Variants in CHN2 observed in about 807,000 individuals in gnomAD.
CHN2 encodes chimerin 2.
CHN2 carries 35 observed loss-of-function variants against 56.3 expected under a neutral mutation model. The observed-to-expected ratio is 0.62, with a 90% CI of 0.47 to 0.82. The LOEUF is 0.82. Ranked by LOEUF, CHN2 falls within the 40% of genes least tolerant of loss-of-function variation. CHN2 has a pLI of 0.00. For missense variants in CHN2, 491 were observed against 580.5 expected (o/e 0.85, Z 1.58); for synonymous variants, 210 against 212.8 (o/e 0.99, Z 0.12).
At chr7:29,193,059 T>A (rs1272171157), upstream of CHN2, 2 of 152,134 alleles carry the variant, frequency 1.3e-5, no homozygotes, top group African/African-American at 4.8e-5. Context: ...TGAAGGATAG[T>A]GGTAGGGGCT....
chr7:29,442,858 C>G (rs1783745235), intron 6 of CHN2, among the ~76,000 whole-genome samples: 1 of 151,684 alleles, frequency 6.6e-6, no homozygotes, highest in Admixed American at 6.6e-5. Flanking sequence ...TGAATGCTGC[C>G]TAGGTTTTTC....
intron 1 of CHN2, chr7:29,292,932 T>A (rs530493105): frequency 1.1e-5 from 5 of 456,304 alleles, no homozygotes; most frequent in African/African-American, 8.0e-5. Flanking sequence ...CAGTCTATTC[T>A]GAACCCAGAA....
At chr7:29,163,492 A>G (rs1413607505) in intron 2 of CHN2, among the ~76,000 whole-genome samples, 1 of 152,178 alleles carries the variant, frequency 6.6e-6, no homozygotes, top group Non-Finnish European at 1.5e-5. Flanking sequence ...AAATTGACAC[A>G]TATGTTAATG....
chr7:29,271,703 T>C (rs1367600108), intron 1 of CHN2, among the ~76,000 whole-genome samples: 4 of 152,216 alleles, frequency 2.6e-5, no homozygotes, highest in Non-Finnish European at 5.9e-5. Flanking sequence ...GTGAATTATT[T>C]AGGGCTTTCA....
chr7:29,267,264 A>T (rs1345988840), intron 1 of CHN2, among the ~76,000 whole-genome samples: 1 of 148,850 alleles, frequency 6.7e-6, no homozygotes, highest in Non-Finnish European at 1.5e-5. Context: ...TTTTTTTGAG[A>T]CAGAGTCTCC....
intron 6 of CHN2, among the ~76,000 whole-genome samples, chr7:29,467,760 T>A (rs1338728680): frequency 6.6e-6 from 1 of 152,198 alleles, no homozygotes. Flanking sequence ...GAGAAGTCTC[T>A]TAAGCTCAGC....
chr7:29,215,563 G>C (rs148517665), intron 1 of CHN2, among the ~76,000 whole-genome samples: 2 of 152,026 alleles, frequency 1.3e-5, no homozygotes, highest in Non-Finnish European at 2.9e-5. Flanking sequence ...TTCTATCTGA[G>C]TTACAATTTT....
At chr7:29,272,696 A>T in intron 1 of CHN2, among the ~76,000 whole-genome samples, 1 of 152,208 alleles carries the variant, frequency 6.6e-6, no homozygotes, top group East Asian at 1.9e-4. Context: ...GTATCAGTCA[A>T]TATATGCCGT....
At chr7:29,191,615 C>A (rs1782903159), upstream of CHN2, 1 of 152,096 alleles carries the variant, frequency 6.6e-6, no homozygotes, top group Non-Finnish European at 1.5e-5. Context: ...CTTAAGAAGC[C>A]CACATTATCC....
intron 1 of CHN2, among the ~76,000 whole-genome samples, chr7:29,307,147 G>C (rs1380819547): frequency 1.3e-5 from 2 of 152,226 alleles, no homozygotes; most frequent in Non-Finnish European, 2.9e-5. Context: ...GAGAAGCTCA[G>C]TTGTCTGTAA....
At chr7:29,442,714 C>T (rs1021688368) in intron 6 of CHN2, among the ~76,000 whole-genome samples, 5 of 152,206 alleles carry the variant, frequency 3.3e-5, no homozygotes, top group Non-Finnish European at 4.4e-5. Context: ...TCTGTGTTCT[C>T]ATGTCAATTT....
rs1791221052 is a variant in CHN2 at position 29,276,392 on chromosome 7, T to C, written c.50-78233T>C. Among the ~76,000 whole-genome samples, 3 of 152,208 alleles carry C rather than the reference T, an allele frequency of 2.0e-5. No homozygotes were observed. The South Asian group carries it at 6.2e-4, about 31-fold the overall frequency. On this transcript the variant is annotated intron_variant, in intron 1 of 12. Transcript: ENST00000222792. Reference sequence around the variant, plus strand: ...CCATGGGGCCTGGATATTATTTCCCTGTCTCTGTCCAAGGCAGTTTGGTGG... The same window carrying C: ...CCATGGGGCCTGGATATTATTTCCCCGTCTCTGTCCAAGGCAGTTTGGTGG...
chr7:29,372,752 T>C (rs1421399183), intron 3 of CHN2, among the ~76,000 whole-genome samples: 3 of 152,220 alleles, frequency 2.0e-5, no homozygotes, highest in African/African-American at 7.2e-5. Context: ...AAACACAGAC[T>C]AAAATTTTTT....
At chr7:29,262,569 C>T (rs570521679) in intron 1 of CHN2, among the ~76,000 whole-genome samples, 2 of 152,164 alleles carry the variant, frequency 1.3e-5, no homozygotes, top group African/African-American at 2.4e-5. Flanking sequence ...TCATTCAATT[C>T]TCTAATCCTT....
chr7:29,385,170 T>A (rs993690959), intron 3 of CHN2, among the ~76,000 whole-genome samples: 48 of 152,306 alleles, frequency 3.2e-4, no homozygotes, highest in African/African-American at 1.1e-3. Flanking sequence ...AAAAGCTACC[T>A]TTATAAATTA....
intron 1 of CHN2, among the ~76,000 whole-genome samples, chr7:29,325,620 A>C (rs1391314094): frequency 6.6e-6 from 1 of 152,238 alleles, no homozygotes; most frequent in Non-Finnish European, 1.5e-5. Flanking sequence ...TATACTTTGA[A>C]ACATAATACA....
intron 1 of CHN2, among the ~76,000 whole-genome samples, chr7:29,273,347 A>ATATATATATATATATATATATATATATG: frequency 2.7e-5 from 1 of 37,196 alleles, no homozygotes; most frequent in Admixed American, 2.7e-4. Flanking sequence ...ATATGTGTAT[A>ATATATATATATATATATATATATATATG]TATATATATA....
At chr7:29,455,640 TC>T (rs773525620) in intron 6 of CHN2, among the ~76,000 whole-genome samples, 2 of 152,170 alleles carry the variant, frequency 1.3e-5, no homozygotes, top group Non-Finnish European at 2.9e-5. Flanking sequence ...GTCAAAACAT[TC>T]AGCTAAGCCA....
At chr7:29,378,957 C>G (rs2128055025) in intron 3 of CHN2, among the ~76,000 whole-genome samples, 1 of 152,298 alleles carries the variant, frequency 6.6e-6, no homozygotes, top group East Asian at 1.9e-4. Flanking sequence ...GAGCGAGACT[C>G]CGTCTCGAAA....
Sources: gnomAD v4.1 joint callset for allele counts (sites outside exome capture counted in the v4.1 genomes callset) on GRCh38, gnomAD v4.1.1 for gene constraint, MANE v1.5 for transcripts, NCBI Gene and HGNC (gene_info 2026-07-23, HGNC 2026-07-21) for gene names.